The following TRPM8 variants were observed in gnomAD, a reference collection of about 807,000 sequenced individuals.
TRPM8 encodes the protein TRPM8 cationic channel.
TRPM8 carries 110 observed loss-of-function variants against 133.7 expected under a neutral mutation model. The ratio of observed to expected loss-of-function variants is 0.82; its 90% CI spans 0.70 to 0.96. The LOEUF is 0.96. TRPM8 is among the 40% of genes least tolerant of loss of function. The probability of loss-of-function intolerance (pLI) is 0.00; values close to 1 mark genes in which losing one functional copy is unlikely to be tolerated. For missense variants in TRPM8, 1,291 were observed against 1,379.5 expected (o/e 0.94, Z 1.02); for synonymous variants, 535 against 532.3 (o/e 1.01, Z -0.07).
intron 2 of TRPM8, among the ~76,000 whole-genome samples, chr2:233,928,920 C>A (rs1228806078): frequency 6.6e-6 from 1 of 151,592 alleles, no homozygotes; most frequent in African/African-American, 2.4e-5. Context: ...TCTCTCTAAA[C>A]AATACATTGT....
chr2:233,973,384 C>A (rs1383651389), intron 17 of TRPM8, among the ~76,000 whole-genome samples: 2 of 152,220 alleles, frequency 1.3e-5, no homozygotes, highest in Non-Finnish European at 2.9e-5. Flanking sequence ...AGCCTCTCCT[C>A]TAGCTTTTGG....
chr2:233,924,421 G>A (rs909732406), intron 1 of TRPM8, among the ~76,000 whole-genome samples: 36 of 151,984 alleles, frequency 2.4e-4, no homozygotes, highest in African/African-American at 8.5e-4. Context: ...TTCCCATATC[G>A]CTTCTCTTGG....
intron 7 of TRPM8, 47 bp from the exon 8 acceptor site, chr2:233,947,041 G>A: frequency 2.5e-6 from 4 of 1,575,282 alleles, no homozygotes; most frequent in South Asian, 1.1e-5. Flanking sequence ...AGGTAGGTGA[G>A]TATTTCTAAT....
chr2:233,947,707 G>A, intron 8 of TRPM8: 9 of 838,632 alleles, frequency 1.1e-5, no homozygotes, highest in Non-Finnish European at 1.5e-5. Flanking sequence ...AATCTGTATG[G>A]ACTCATTACT....
At chr2:233,933,442 C>T (rs28901618) in intron 3 of TRPM8, among the ~76,000 whole-genome samples, 2,865 of 152,154 alleles carry the variant, frequency 0.019, 93 homozygotes, top group East Asian at 0.15. Flanking sequence ...CAGATTTGGT[C>T]CAAGGGGGTA....
At chr2:233,965,209 A>C (rs551640377) in intron 14 of TRPM8, among the ~76,000 whole-genome samples, 1 of 152,164 alleles carries the variant, frequency 6.6e-6, no homozygotes, top group Non-Finnish European at 1.5e-5. Context: ...TTTCTTACTC[A>C]TGGCAAAAGC....
At chr2:234,003,734 C>T (rs1692626225) in intron 22 of TRPM8, among the ~76,000 whole-genome samples, 1 of 152,168 alleles carries the variant, frequency 6.6e-6, no homozygotes, top group Non-Finnish European at 1.5e-5. Flanking sequence ...AGAACAATGT[C>T]TAACAGTGTG....
chr2:233,944,660 A>G (rs1172674360), intron 6 of TRPM8, among the ~76,000 whole-genome samples: 2 of 152,262 alleles, frequency 1.3e-5, no homozygotes, highest in Non-Finnish European at 2.9e-5. Context: ...AGCAATGCAA[A>G]TAAAAACATT....
Position 233,947,131 on chromosome 2 carries a change from A to G in TRPM8, c.918A>G (p.Gln306=). The G allele has an allele frequency of 6.2e-7, 1 of 1,614,132 alleles. No homozygotes were observed. The highest frequency in any genetic ancestry group is 1.1e-5 in the South Asian group (1 of 91,076). Residue 306 remains glutamine (Q), a synonymous_variant, in exon 8 of 26, where the codon CAA becomes CAG. Coordinates refer to ENST00000324695, the MANE Select transcript of TRPM8 (RefSeq NM_024080.5). ...AGATCCCCATTGTGTGTTTTGCCCA[A>G]GGAGGTGGAAAAGAGACTTTGAAAG... ...GGKIPIVCFA[Q]GGGKETLKAI... is the part of the protein sequence containing the mutation.
chr2:233,928,159 CG>C (rs1440448255), intron 2 of TRPM8, among the ~76,000 whole-genome samples: 4 of 151,480 alleles, frequency 2.6e-5, no homozygotes, highest in Non-Finnish European at 4.4e-5. Context: ...TTAGTAGAGA[CG>C]GGGTTTCACT....
intron 17 of TRPM8, 101 bp downstream of exon 17, chr2:233,970,527 C>T (rs902704523): frequency 4.4e-6 from 5 of 1,135,636 alleles, no homozygotes; most frequent in East Asian, 4.7e-5. Context: ...TCAAAAGTCA[C>T]TATTTTCCCA....
chr2:234,004,677 A>G (rs1442932958), intron 22 of TRPM8, among the ~76,000 whole-genome samples: 2 of 152,254 alleles, frequency 1.3e-5, no homozygotes, highest in African/African-American at 2.4e-5. Context: ...ATTATTTTGC[A>G]TGATTCGGAA....
Position 233,963,279 on chromosome 2 carries a change from C to T in TRPM8, c.1654-3C>T. On this transcript the variant is annotated splice_region_variant and splice_polypyrimidine_tract_variant and intron_variant, in intron 12 of 25. Coordinates refer to ENST00000324695, the MANE Select transcript of TRPM8 (RefSeq NM_024080.5). ...ATGCTGACCACATGCTCTAACCCCC[C>T]AGGACGTGTCTCCTATTACTCGGCA... is the stretch of plus-strand genomic sequence containing the variant. The T allele has an allele frequency of 6.2e-7, 1 of 1,609,122 alleles. No homozygotes were observed. Among genetic ancestry groups the T allele is most frequent in the Non-Finnish European group, 8.5e-7 (1 of 1,176,018 alleles).
At chr2:233,921,000 G>T (rs1426510408) in intron 1 of TRPM8, among the ~76,000 whole-genome samples, 3 of 152,026 alleles carry the variant, frequency 2.0e-5, no homozygotes, top group Middle Eastern at 6.8e-3. Flanking sequence ...GGGATTACAG[G>T]TGCCCTTCAC....
At chr2:234,016,981 A>C (rs1233176752) in intron 25 of TRPM8, among the ~76,000 whole-genome samples, 1 of 152,232 alleles carries the variant, frequency 6.6e-6, no homozygotes, top group Non-Finnish European at 1.5e-5. Context: ...AAATTTATGC[A>C]GAAACCACTG....
chr2:233,925,000 T>A (rs911126438), intron 1 of TRPM8, among the ~76,000 whole-genome samples: 7 of 152,180 alleles, frequency 4.6e-5, no homozygotes, highest in African/African-American at 1.7e-4. Context: ...GCAGTGCCAG[T>A]CTCTGAGGTG....
chr2:233,942,843 CAG>C, intron 6 of TRPM8, 95 bp downstream of exon 6: 1 of 1,463,394 alleles, frequency 6.8e-7, no homozygotes, highest in South Asian at 1.1e-5. Flanking sequence ...GTGATGGAGC[CAG>C]CCAGATCATG....
At position 234,017,344 on chromosome 2, in the gene TRPM8, A is replaced by C. The variant is rs1362936365; in HGVS notation, c.*88A>C. 1 of 471,412 alleles carries C rather than the reference A, an allele frequency of 2.1e-6. No homozygotes were observed. The highest frequency in any genetic ancestry group is 2.0e-5 in the African/African-American group (1 of 50,204). The allele number at this position is 471,412 out of a possible 1,614,324, so 29.2% of individuals were successfully genotyped here. ...TGAACAATTTTGCTATCGACTACTAAATGAGAGATTTTCAGACCCCTGGGT... is the reference window on the plus strand; with the variant it reads ...TGAACAATTTTGCTATCGACTACTACATGAGAGATTTTCAGACCCCTGGGT... On this transcript the variant is annotated 3_prime_UTR_variant, in exon 26 of 26. Coordinates refer to ENST00000324695, the MANE Select transcript of TRPM8 (RefSeq NM_024080.5).
intron 9 of TRPM8, among the ~76,000 whole-genome samples, chr2:233,953,172 C>A (rs527921139): frequency 1.3e-5 from 2 of 152,348 alleles, no homozygotes; most frequent in South Asian, 4.2e-4. Flanking sequence ...ATTTCCAAAT[C>A]CAAGGGCTCT....
Sources: gnomAD v4.1 joint callset for allele counts (sites outside exome capture counted in the v4.1 genomes callset) on GRCh38, gnomAD v4.1.1 for gene constraint, MANE v1.5 for transcripts, NCBI Gene and HGNC (gene_info 2026-07-23, HGNC 2026-07-21) for gene names.